BCL2: variants seen among roughly 807,000 people sequenced by gnomAD.
The protein encoded by BCL2 is BCL2 apoptosis regulator, also known as apoptosis regulator Bcl-2.
Under a neutral mutation model 14.2 loss-of-function variants are expected in BCL2, and 1 was observed. That is an observed-to-expected ratio of 0.07 (90% confidence interval 0.02 to 0.33). The LOEUF is 0.33. BCL2 is among the 10% of genes least tolerant of loss of function. The pLI is 0.99. For missense variants in BCL2, 247 were observed against 305.9 expected (o/e 0.81, Z 1.44); for synonymous variants, 151 against 137.2 (o/e 1.10, Z -0.70).
chr18:63,185,804 C>T (rs1599231642), intron 2 of BCL2, among the ~76,000 whole-genome samples: 1 of 152,244 alleles, frequency 6.6e-6, no homozygotes, highest in Admixed American at 6.5e-5. Flanking sequence ...AAAGTCAACA[C>T]AGCTAGTAAG....
rs1568222473 is a variant in BCL2 at position 63,169,309 on chromosome 18, TTCC to T, written c.586-40553_586-40551del. Among the ~76,000 whole-genome samples the T allele has an allele frequency of 3.4e-4, 17 of 50,158 alleles. 1 individual carries two copies. The highest frequency in any genetic ancestry group is 7.6e-4 in the South Asian group (1 of 1,314). The allele number at this position is 50,158 out of a possible 152,430, so 32.9% of individuals were successfully genotyped here. A position where few individuals can be genotyped will look rare whatever the true frequency, so the allele number is the denominator to read the frequency against. On this transcript the variant is annotated intron_variant, in intron 2 of 2. Transcript: ENST00000333681. Reference sequence around the variant, plus strand: ...CTTTCTTTCTTTCTTTCTTTCTTTCTTCCTTCCTTCCTTCTTTCCTTTCCTTCC... The same window carrying T: ...CTTTCTTTCTTTCTTTCTTTCTTTCTTTCCTTCCTTCTTTCCTTTCCTTCC...
chr18:63,278,686 C>T (rs191599359), intron 2 of BCL2, among the ~76,000 whole-genome samples: 1 of 152,300 alleles, frequency 6.6e-6, no homozygotes, highest in East Asian at 1.9e-4. Flanking sequence ...AGCAAGACCT[C>T]GTTGCAGCAG....
intron 2 of BCL2, among the ~76,000 whole-genome samples, chr18:63,290,749 T>G (rs547333469): frequency 6.6e-6 from 1 of 152,330 alleles, no homozygotes; most frequent in Admixed American, 6.5e-5. Context: ...CTGCAAGGCT[T>G]AAATAAGTAC....
At chr18:63,237,251 G>A (rs185699781) in intron 2 of BCL2, among the ~76,000 whole-genome samples, 74 of 146,834 alleles carry the variant, frequency 5.0e-4, no homozygotes, top group African/African-American at 1.9e-3. Flanking sequence ...GTAAACAGGC[G>A]GGGGGGAGGT....
intron 2 of BCL2, among the ~76,000 whole-genome samples, chr18:63,271,403 G>A (rs1417525699): frequency 1.3e-5 from 2 of 152,128 alleles, no homozygotes; most frequent in Non-Finnish European, 2.9e-5. Context: ...AGTTTGCAGT[G>A]GAAATGAACA....
chr18:63,152,823 T>A (rs914983312), intron 2 of BCL2, among the ~76,000 whole-genome samples: 2 of 152,230 alleles, frequency 1.3e-5, no homozygotes, highest in East Asian at 3.8e-4. Context: ...TGCTTCACCA[T>A]ATCTTCAATT....
intron 2 of BCL2, chr18:63,315,423 C>T (rs1036427907): frequency 6.6e-6 from 1 of 152,198 alleles, no homozygotes; most frequent in African/African-American, 2.4e-5. Flanking sequence ...ATTCCAAGGA[C>T]CTGATTTATC....
At chr18:63,164,629 A>G (rs1855328310) in intron 2 of BCL2, among the ~76,000 whole-genome samples, 1 of 152,250 alleles carries the variant, frequency 6.6e-6, no homozygotes, top group African/African-American at 2.4e-5. Context: ...TGTCTGTAGT[A>G]GAAGATGCTA....
At chr18:63,210,305 T>C (rs1909964295) in intron 2 of BCL2, among the ~76,000 whole-genome samples, 1 of 152,276 alleles carries the variant, frequency 6.6e-6, no homozygotes, top group South Asian at 2.1e-4. Flanking sequence ...GGGTGGAAGA[T>C]CTCAGGGCTC....
intron 2 of BCL2, among the ~76,000 whole-genome samples, chr18:63,255,775 G>A (rs1911455295): frequency 6.6e-6 from 1 of 151,750 alleles, no homozygotes; most frequent in Admixed American, 6.6e-5. Flanking sequence ...ATGGTCCTAG[G>A]AAGGTGCTAT....
intron 2 of BCL2, among the ~76,000 whole-genome samples, chr18:63,202,842 G>C (rs1198238384): frequency 6.6e-6 from 1 of 152,122 alleles, no homozygotes. Context: ...ACACCATCAG[G>C]GGCTCTCTAA....
intron 2 of BCL2, among the ~76,000 whole-genome samples, chr18:63,186,523 C>T (rs1915598002): frequency 6.6e-6 from 1 of 152,162 alleles, no homozygotes. Flanking sequence ...TATTTTCTGG[C>T]CTTTCTTTAC....
intron 2 of BCL2, among the ~76,000 whole-genome samples, chr18:63,307,975 A>G (rs1274494692): frequency 1.3e-5 from 2 of 152,246 alleles, no homozygotes; most frequent in African/African-American, 4.8e-5. Context: ...ATCTTTCTCA[A>G]ACAGATGACA....
chr18:63,157,711 G>T (rs1368148634), intron 2 of BCL2, among the ~76,000 whole-genome samples: 1 of 152,186 alleles, frequency 6.6e-6, no homozygotes, highest in African/African-American at 2.4e-5. Context: ...GAGAAGGGGT[G>T]AGAAGCAGAC....
At chr18:63,141,242 T>A (rs1487572967) in intron 2 of BCL2, among the ~76,000 whole-genome samples, 1 of 152,242 alleles carries the variant, frequency 6.6e-6, no homozygotes, top group Non-Finnish European at 1.5e-5. Context: ...TCCTTGAGGA[T>A]GTGACTTGGG....
chr18:63,291,174 A>G (rs1912634156), intron 2 of BCL2, among the ~76,000 whole-genome samples: 1 of 152,212 alleles, frequency 6.6e-6, no homozygotes, highest in African/African-American at 2.4e-5. Flanking sequence ...AGTGCAAAAA[A>G]GCAAAAAATG....
intron 2 of BCL2, among the ~76,000 whole-genome samples, chr18:63,263,991 A>T (rs887634791): frequency 6.6e-6 from 1 of 152,180 alleles, no homozygotes; most frequent in African/African-American, 2.4e-5. Flanking sequence ...GCTGGTCACG[A>T]ACGTCTGACC....
Position 63,124,382 on chromosome 18 carries a change from G to A in BCL2, c.*4243C>T. 4.3e-6 allele frequency: 1 copy of A among 231,056 alleles called. No individual in the cohort carries two copies. Among genetic ancestry groups the A allele is most frequent in the Non-Finnish European group, 8.6e-6 (1 of 116,590 alleles). 14.3% of individuals were successfully genotyped at this position (231,056 alleles called of 1,614,324 possible). A position where few individuals can be genotyped will look rare whatever the true frequency, so the allele number is the denominator to read the frequency against. On this transcript the variant is annotated 3_prime_UTR_variant, in exon 3 of 3. Coordinates refer to ENST00000333681, the MANE Select transcript of BCL2 (RefSeq NM_000633.3). ...AGCTTGAAATTTATACCATTGCACT[G>A]CCAAACGGAGCTGCACTTTGAGCCA...
intron 2 of BCL2, among the ~76,000 whole-genome samples, chr18:63,222,283 A>G (rs1910416133): frequency 1.3e-5 from 2 of 151,484 alleles, no homozygotes; most frequent in South Asian, 2.1e-4. Flanking sequence ...CAAAAAAAAA[A>G]AAAAAGAAAA....
Sources: gnomAD v4.1 joint callset for allele counts (sites outside exome capture counted in the v4.1 genomes callset) on GRCh38, gnomAD v4.1.1 for gene constraint, MANE v1.5 for transcripts, NCBI Gene and HGNC (gene_info 2026-07-23, HGNC 2026-07-21) for gene names.